The following TMEM150B variants were observed in gnomAD, a reference collection of about 807,000 sequenced individuals.
The protein encoded by TMEM150B is transmembrane protein 150B, also known as modulator of macroautophagy TMEM150B.
Under a neutral mutation model 25.2 loss-of-function variants are expected in TMEM150B, and 33 were observed. The ratio of observed to expected loss-of-function variants is 1.31; its 90% CI spans 0.99 to 1.75. The LOEUF (loss-of-function observed/expected upper bound fraction) is 1.75. Among genes scored for constraint, TMEM150B ranks in the 40% most tolerant of loss-of-function variants. The probability of loss-of-function intolerance (pLI) is 0.00; values close to 1 mark genes in which losing one functional copy is unlikely to be tolerated. For missense variants in TMEM150B, 322 were observed against 306.1 expected (o/e 1.05, Z -0.39); for synonymous variants, 133 against 134.8 (o/e 0.99, Z 0.09).
rs1258448984 is a variant in TMEM150B at position 55,321,076 on chromosome 19, C to T, written c.-40G>A. On this transcript the variant is annotated 5_prime_UTR_variant, in exon 3 of 8. Coordinates refer to ENST00000326652, the MANE Select transcript of TMEM150B (RefSeq NM_001282011.2). ...GTGAAGGATCGGGGCTGAGGCTGGA[C>T]ACCTGTCTCTCTCACACCTGAAGAA... The T allele has an allele frequency of 1.3e-6, 2 of 1,594,098 alleles. No homozygotes were observed. The highest frequency in any genetic ancestry group is 1.7e-6 in the Non-Finnish European group (2 of 1,170,186).
chr19:55,325,175 G>C (rs1168561422), intron 1 of TMEM150B, 97 bp downstream of exon 1: 13 of 654,006 alleles, frequency 2.0e-5, no homozygotes, highest in Non-Finnish European at 2.5e-5. Context: ...TGTCCCCACG[G>C]TGCTTATGTG....
At chr19:55,321,645 C>T (rs2089209787) in intron 2 of TMEM150B, among the ~76,000 whole-genome samples, 2 of 152,236 alleles carry the variant, frequency 1.3e-5, no homozygotes, top group Middle Eastern at 3.4e-3. Context: ...GTGGGTTCAA[C>T]GTCCAAAGTC....
intron 7 of TMEM150B, among the ~76,000 whole-genome samples, chr19:55,315,760 CAAA>C (rs1224362945): frequency 2.4e-5 from 2 of 81,870 alleles, no homozygotes; most frequent in African/African-American, 4.5e-5. Context: ...GACTCCGTCT[CAAA>C]AAAAAAAAAA....
intron 1 of TMEM150B, chr19:55,324,945 G>T (rs1332122284): frequency 3.2e-6 from 3 of 934,710 alleles, no homozygotes; most frequent in East Asian, 2.3e-4. Flanking sequence ...CCCAGGGGAG[G>T]GAGGGGTCCA....
At chr19:55,312,715 G>T, downstream of TMEM150B, 2 of 798,398 alleles carry the variant, frequency 2.5e-6, no homozygotes, top group South Asian at 1.9e-5. Context: ...CGGCACACAG[G>T]TCCTCCGGCT....
intron 2 of TMEM150B, among the ~76,000 whole-genome samples, chr19:55,321,840 C>A (rs1423062368): frequency 6.6e-6 from 1 of 152,166 alleles, no homozygotes; most frequent in Non-Finnish European, 1.5e-5. Flanking sequence ...TCGGCCTGCT[C>A]TCTGGGTGAA....
chr19:55,323,413 C>G (rs1207024886), intron 1 of TMEM150B, among the ~76,000 whole-genome samples: 1 of 150,392 alleles, frequency 6.6e-6, no homozygotes, highest in Non-Finnish European at 1.5e-5. Flanking sequence ...GCCTGGGTGA[C>G]AAGAGCAAAA....
intron 2 of TMEM150B, among the ~76,000 whole-genome samples, chr19:55,321,373 C>T (rs2089204049): frequency 6.6e-6 from 1 of 152,020 alleles, no homozygotes; most frequent in African/African-American, 2.4e-5. Context: ...ATGCTCACCT[C>T]TCCAAGATCC....
intron 6 of TMEM150B, 57 bp downstream of exon 6, chr19:55,319,982 G>C (rs2089149113): frequency 6.2e-7 from 1 of 1,611,318 alleles, no homozygotes; most frequent in South Asian, 1.1e-5. Context: ...GGGCATGCTG[G>C]GAGTTGTAGT....
At chr19:55,312,126 C>G, downstream of TMEM150B, 1 of 724,348 alleles carries the variant, frequency 1.4e-6, no homozygotes. Context: ...TGCCCCCCAA[C>G]TGTGAATCTG....
At chr19:55,323,456 C>T (rs2089256390) in intron 1 of TMEM150B, among the ~76,000 whole-genome samples, 1 of 151,574 alleles carries the variant, frequency 6.6e-6, no homozygotes, top group African/African-American at 2.4e-5. Flanking sequence ...AAAAAATGTG[C>T]GACTCAGCGA....
chr19:55,315,645 C>A (rs2088972242), intron 7 of TMEM150B, among the ~76,000 whole-genome samples: 1 of 152,010 alleles, frequency 6.6e-6, no homozygotes, highest in African/African-American at 2.4e-5. Flanking sequence ...CCTGTAGTCC[C>A]AGCTACTCAG....
chr19:55,313,042 G>T lies in TMEM150B; in HGVS notation c.519C>A (p.His173Gln), dbSNP rs375954486. 1 of 1,611,082 alleles carries T rather than the reference G, an allele frequency of 6.2e-7. No homozygotes were observed. Among genetic ancestry groups the T allele is most frequent in the Admixed American group, 1.7e-5 (1 of 59,770 alleles). ...TILIVAMIVL[H>Q]ACSLRSVSAA... ...CAGAGACGCTACGCAGCGAGCAGGC[G>T]TGGAGGACGATCACTGCCCCAGGGT... Residue 173 changes from histidine (H) to glutamine (Q), a missense_variant, in exon 8 of 8, where the codon CAC (histidine) becomes CAA (glutamine). By Grantham distance (24) the His-to-Gln change is conservative. Transcript: ENST00000326652.
chr19:55,321,094 C>A lies in TMEM150B; in HGVS notation c.-57-1G>T. ...GGCTGGACACCTGTCTCTCTCACACCTGAAGAACCAGCCCTCAAGGAGGGC... is the reference window on the plus strand; with the variant it reads ...GGCTGGACACCTGTCTCTCTCACACATGAAGAACCAGCCCTCAAGGAGGGC... On this transcript the variant is annotated splice_acceptor_variant, in intron 2 of 7. Transcript: ENST00000326652. LOFTEE classifies it low-confidence loss of function (5UTR_SPLICE). The A allele has an allele frequency of 6.4e-7, 1 of 1,570,540 alleles. No individual in the cohort carries two copies.
downstream of TMEM150B, among the ~76,000 whole-genome samples, chr19:55,310,344 G>T (rs1161669447): frequency 2.0e-5 from 3 of 152,074 alleles, no homozygotes; most frequent in Non-Finnish European, 2.9e-5. This position sits in a 1 kb window ranked among gnomAD's most constrained non-coding sequence, Gnocchi z 5.0. Context: ...AGCCAGTGAC[G>T]CCATATATCC....
intron 1 of TMEM150B, chr19:55,324,925 T>A: frequency 1.0e-6 from 1 of 981,468 alleles, no homozygotes; most frequent in Non-Finnish European, 1.2e-6. Flanking sequence ...CACACAAAGC[T>A]ATGAGGGAGC....
At chr19:55,324,592 G>C (rs893640103) in intron 1 of TMEM150B, among the ~76,000 whole-genome samples, 1 of 152,164 alleles carries the variant, frequency 6.6e-6, no homozygotes, top group Non-Finnish European at 1.5e-5. Flanking sequence ...AGGTTGCAGT[G>C]AGCCGAGATC....
chr19:55,324,626 CGACAGAGTGA>C, intron 1 of TMEM150B: 1 of 789,774 alleles, frequency 1.3e-6, no homozygotes, highest in Non-Finnish European at 1.5e-6. Flanking sequence ...CCAGCCTGGG[CGACAGAGTGA>C]GACTCCGTCT....
chr19:55,312,080 C>T (rs116408033), downstream of TMEM150B: 5,144 of 1,401,512 alleles, frequency 3.7e-3, 163 homozygotes, highest in African/African-American at 0.067. Flanking sequence ...CCCACGGGGC[C>T]GGGGAGGGAG....
Sources: gnomAD v4.1 joint callset for allele counts (sites outside exome capture counted in the v4.1 genomes callset) on GRCh38, gnomAD v4.1.1 for gene constraint, Gnocchi (gnomAD v3.1) non-coding constraint, MANE v1.5 for transcripts, NCBI Gene and HGNC (gene_info 2026-07-23, HGNC 2026-07-21) for gene names.